The following KLHL42 variants were observed in gnomAD, a reference collection of about 807,000 sequenced individuals.
The protein encoded by KLHL42 is kelch like family member 42, also known as kelch-like protein 42.
A neutral mutation model predicts 32.7 loss-of-function variants in KLHL42; 27 were observed. The ratio of observed to expected loss-of-function variants is 0.83; its 90% CI spans 0.61 to 1.14. KLHL42 has a LOEUF of 1.14. KLHL42 is among the 50% of genes most tolerant of loss of function. The pLI is 0.00. For missense variants in KLHL42, 491 were observed against 560.8 expected, an observed-to-expected ratio of 0.88 and a Z score of 1.26; for synonymous variants, 267 against 248.2, an observed-to-expected ratio of 1.08 and a Z score of -0.71.
At position 27,792,159 on chromosome 12, in the gene KLHL42, T is replaced by G. The variant is rs2062200298; in HGVS notation, c.1066+258T>G. On this transcript the variant is annotated intron_variant, in intron 2 of 2. Transcript: ENST00000381271. The stretch of plus-strand genomic sequence containing the variant: ...TGTGAAAAAAAAATGTTATCTCTTT[T>G]TTTTTGCTTCTGGAAACCCAGCTTT... The G allele has an allele frequency of 1.2e-5, 3 of 260,802 alleles. No individual in the cohort carries two copies. In the South Asian group the frequency reaches 2.4e-4, roughly 21 times the overall value. 16.2% of individuals were successfully genotyped at this position (260,802 alleles called of 1,614,324 possible). A position where few individuals can be genotyped will look rare whatever the true frequency, so the allele number is the denominator to read the frequency against.
In KLHL42 at chr12:27,799,454, A is replaced by T. The variant is rs148293065; in HGVS notation, c.*1288A>T. 2.0e-5 allele frequency: 3 copies of T among 152,382 alleles called. No homozygotes were observed. In the East Asian group the frequency reaches 5.8e-4, roughly 29 times the overall value. 9.4% of individuals were successfully genotyped at this position (152,382 alleles called of 1,614,324 possible). On this transcript the variant is annotated 3_prime_UTR_variant, in exon 3 of 3. Transcript: ENST00000381271. ...TTATCTGATATTTTGTAATGGCATC[A>T]GTTAAACTGTGAGCTGGATTCCATC...
chr12:27,781,053 C>T lies in KLHL42; in HGVS notation c.723C>T (p.Val241=), dbSNP rs569081413. ...CCAACAACCTTCCTCCCGACCTGGT[C>T]AATGTCAGGGGCTATGGGTCTGCCA... ...PLANNLPPDL[V]NVRGYGSAIL... is the part of the protein sequence containing the mutation. The change falls in exon 1 of 3, where the codon GTC becomes GTT. Residue 241 remains valine (V), a synonymous_variant. Transcript: ENST00000381271. The T allele has an allele frequency of 2.5e-6, 4 of 1,613,974 alleles. No individual in the cohort carries two copies. In the African/African-American group the frequency reaches 4.0e-5, roughly 16 times the overall value.
Position 27,800,715 on chromosome 12 carries a change from A to T in KLHL42, c.*2549A>T, listed in dbSNP as rs1431773020. On this transcript the variant is annotated 3_prime_UTR_variant, in exon 3 of 3. Coordinates refer to ENST00000381271, the MANE Select transcript of KLHL42 (RefSeq NM_020782.2). ...AGTGCAAGACTCTGTCTCCAAAAAA[A>T]AAAAAAGAAAAAAGAAAATCCCCCT... 1 of 152,762 alleles carries T rather than the reference A, an allele frequency of 6.5e-6. No homozygotes were observed. Among genetic ancestry groups the T allele is most frequent in the East Asian group, 1.9e-4 (1 of 5,228 alleles). The allele number at this position is 152,762 out of a possible 1,614,324, so 9.5% of individuals were successfully genotyped here.
At chr12:27,796,156 G>A (rs1485855495) in intron 2 of KLHL42, among the ~76,000 whole-genome samples, 1 of 152,234 alleles carries the variant, frequency 6.6e-6, no homozygotes, top group African/African-American at 2.4e-5. Context: ...TTACAATTCT[G>A]AGATTTCTCC....
Position 27,800,232 on chromosome 12 carries a change from T to G in KLHL42, c.*2066T>G. 2.0e-6 allele frequency: 2 copies of G among 985,444 alleles called. No homozygotes were observed. Among genetic ancestry groups the G allele is most frequent in the Non-Finnish European group, 2.4e-6 (2 of 829,938 alleles). The allele number at this position is 985,444 out of a possible 1,614,324, so 61.0% of individuals were successfully genotyped here. ...CCAACCAGTTAATTCTCTTCCTGGT[T>G]ACATTCATTGGGTCTATTTGCCTAA... is the stretch of plus-strand genomic sequence containing the variant. On this transcript the variant is annotated 3_prime_UTR_variant, in exon 3 of 3. Transcript: ENST00000381271.
At chr12:27,791,962 G>A (rs111740975) in intron 2 of KLHL42, 61 bp downstream of exon 2, 668 of 1,447,654 alleles carry the variant, frequency 4.6e-4, no homozygotes, top group Non-Finnish European at 6.2e-4. Context: ...TCTGGGAAGG[G>A]CAAGAGGGTG....
chr12:27,793,156 C>T (rs2062204485), intron 2 of KLHL42, among the ~76,000 whole-genome samples: 1 of 152,202 alleles, frequency 6.6e-6, no homozygotes, highest in South Asian at 2.1e-4. Context: ...GACTGTAATC[C>T]AGCACTTTGG....
intron 2 of KLHL42, chr12:27,797,140 A>G: frequency 2.4e-6 from 1 of 414,932 alleles, no homozygotes; most frequent in Non-Finnish European, 4.7e-6. Flanking sequence ...AAAACAAAAA[A>G]AAAACTGGAA....
chr12:27,789,825 G>C (rs867113933), intron 1 of KLHL42, among the ~76,000 whole-genome samples: 6 of 144,248 alleles, frequency 4.2e-5, no homozygotes, highest in African/African-American at 1.5e-4. Flanking sequence ...GGGCTGGCTG[G>C]CTGGCTGGCT....
chr12:27,780,622 G>T lies in KLHL42; in HGVS notation c.292G>T (p.Glu98Ter). 1 of 1,561,202 alleles carries T rather than the reference G, an allele frequency of 6.4e-7. No individual in the cohort carries two copies. Among genetic ancestry groups the T allele is most frequent in the Non-Finnish European group, 8.7e-7 (1 of 1,153,054 alleles). ...GGVDEDEEMD[E>*]VSLLSELVEA... ...GGTGGACGAGGACGAGGAGATGGAT[G>T]AGGTGAGCCTGCTGTCCGAGCTGGT... The change falls in exon 1 of 3, where the codon GAG becomes TAG. Residue 98 changes from glutamate to a stop codon, truncating the protein, a stop_gained. Transcript: ENST00000381271. LOFTEE classifies it high-confidence loss of function. This position sits in a 1 kb window ranked among gnomAD's most constrained non-coding sequence, Gnocchi z 8.8.
In KLHL42 at chr12:27,781,033, A is replaced by C. The variant is rs2062145294; in HGVS notation, c.703A>C (p.Asn235His). The change falls in exon 1 of 3, where the codon AAC becomes CAC. Residue 235 changes from asparagine to histidine, a missense_variant. Physicochemically the swap from Asn to His is moderately conservative, Grantham distance 68. This residue lies in a region of KLHL42 where 248 missense variants were observed against 329.2 expected (regional missense o/e 0.75). Coordinates refer to ENST00000381271, the MANE Select transcript of KLHL42 (RefSeq NM_020782.2). ...MTERWFPLAN[N>H]LPPDLVNVRG... ...TGAGCGTTGGTTCCCGCTGGCCAACAACCTTCCTCCCGACCTGGTCAATGT... is the reference window on the plus strand; with the variant it reads ...TGAGCGTTGGTTCCCGCTGGCCAACCACCTTCCTCCCGACCTGGTCAATGT... 3 of 1,613,276 alleles carry C rather than the reference A, an allele frequency of 1.9e-6. No homozygotes were observed. Among genetic ancestry groups the C allele is most frequent in the African/African-American group, 1.3e-5 (1 of 75,042 alleles).
chr12:27,784,290 C>T (rs1027714366), intron 1 of KLHL42, among the ~76,000 whole-genome samples: 4 of 147,908 alleles, frequency 2.7e-5, no homozygotes, highest in Admixed American at 1.3e-4. Flanking sequence ...CCCGCCACCA[C>T]GCCTGGCTAA....
chr12:27,800,449 T>C lies in KLHL42; in HGVS notation c.*2283T>C, dbSNP rs1167230051. 1 of 844,250 alleles carries C rather than the reference T, an allele frequency of 1.2e-6. No individual in the cohort carries two copies. The highest frequency in any genetic ancestry group is 1.4e-6 in the Non-Finnish European group (1 of 701,516). 52.3% of individuals were successfully genotyped at this position (844,250 alleles called of 1,614,324 possible). Reference sequence around the variant, plus strand: ...GTTATTCTGGGCTGCCAGCAGTACGTGGGAAAGGTGGAATGTGCAATAGGA... The same window carrying C: ...GTTATTCTGGGCTGCCAGCAGTACGCGGGAAAGGTGGAATGTGCAATAGGA... On this transcript the variant is annotated 3_prime_UTR_variant, in exon 3 of 3. Coordinates refer to ENST00000381271, the MANE Select transcript of KLHL42 (RefSeq NM_020782.2).
rs1242161113 is a variant in KLHL42, at chr12:27,802,384, TAAAG to T, written c.*4222_*4225del. 3 of 152,256 alleles carry T rather than the reference TAAAG, an allele frequency of 2.0e-5. No homozygotes were observed. The highest frequency in any genetic ancestry group is 7.2e-5 in the African/African-American group (3 of 41,448). 9.4% of individuals were successfully genotyped at this position (152,256 alleles called of 1,614,324 possible). A position where few individuals can be genotyped will look rare whatever the true frequency, so the allele number is the denominator to read the frequency against. On this transcript the variant is annotated 3_prime_UTR_variant, in exon 3 of 3. Transcript: ENST00000381271. Reference sequence around the variant, plus strand: ...AAAACATTCCCATAAAAAGTATTAATAAAGAAATTTCCATTCCACACTAGTACTG... The same window carrying T: ...AAAACATTCCCATAAAAAGTATTAATAAATTTCCATTCCACACTAGTACTG...
chr12:27,780,743 A>G lies in KLHL42; in HGVS notation c.413A>G (p.Gln138Arg). 2 of 1,613,268 alleles carry G rather than the reference A, an allele frequency of 1.2e-6. No homozygotes were observed. Among genetic ancestry groups the G allele is most frequent in the Non-Finnish European group, 1.7e-6 (2 of 1,179,996 alleles). Residue 138 changes from glutamine to arginine, a missense_variant, in exon 1 of 3, where the codon CAG becomes CGG. Physicochemically the swap from Gln to Arg is conservative, Grantham distance 43. Coordinates refer to ENST00000381271, the MANE Select transcript of KLHL42 (RefSeq NM_020782.2). The surrounding 1 kb of genome is among the most constrained non-coding windows in gnomAD (Gnocchi z 8.8). Reference protein sequence around the residue: ...NNCLEMYRLAQVYGLPDLQEA... With the variant: ...NNCLEMYRLARVYGLPDLQEA... ...TGCCTGGAGATGTACCGCCTGGCGC[A>G]GGTGTACGGGCTGCCCGACCTGCAG...
At chr12:27,786,824 G>A (rs1277202578) in intron 1 of KLHL42, among the ~76,000 whole-genome samples, 2 of 144,124 alleles carry the variant, frequency 1.4e-5, no homozygotes, top group Non-Finnish European at 3.0e-5. Context: ...CCGTGTTAAC[G>A]CTATTCTCCT....
chr12:27,784,984 C>T (rs2062165524), intron 1 of KLHL42, among the ~76,000 whole-genome samples: 1 of 152,116 alleles, frequency 6.6e-6, no homozygotes, highest in African/African-American at 2.4e-5. Context: ...TATGTAATGT[C>T]GTGCATGTTT....
rs372197899 is a variant in KLHL42 at position 27,781,678 on chromosome 12, A to AT, written c.872+477dup. Reference sequence around the variant, plus strand: ...CTTCCACACTGTGATACCCATCATGATCAAGAGATAATCACTGGAAATGTA... The same window carrying AT: ...CTTCCACACTGTGATACCCATCATGATTCAAGAGATAATCACTGGAAATGTA... On this transcript the variant is annotated intron_variant, in intron 1 of 2. Coordinates refer to ENST00000381271, the MANE Select transcript of KLHL42 (RefSeq NM_020782.2). Among the ~76,000 whole-genome samples the AT allele has an allele frequency of 4.5e-3, 678 of 152,300 alleles. 7 individuals are homozygous for AT. The highest frequency in any genetic ancestry group is 0.016 in the African/African-American group (655 of 41,534).
At position 27,797,630 on chromosome 12, in the gene KLHL42, T is replaced by G. The variant is rs993015009; in HGVS notation, c.1067-85T>G. 5.6e-5 allele frequency: 37 copies of G among 656,552 alleles called. 1 individual carries two copies. In the Admixed American group the frequency reaches 8.9e-4, roughly 16 times the overall value. 40.7% of individuals were successfully genotyped at this position (656,552 alleles called of 1,614,324 possible). On this transcript the variant is annotated intron_variant, in intron 2 of 2. Transcript: ENST00000381271. ...GTTTTTTCTCTTTGTTACCAAATTA[T>G]GCAGGCAGAGGTAGACATTTCTGTA...
Sources: gnomAD v4.1 joint callset for allele counts (sites outside exome capture counted in the v4.1 genomes callset) on GRCh38, gnomAD v4.1.1 for gene constraint, gnomAD v4.1.1 regional missense constraint, Gnocchi (gnomAD v3.1) non-coding constraint, MANE v1.5 for transcripts, NCBI Gene and HGNC (gene_info 2026-07-23, HGNC 2026-07-21) for gene names.